The following CIMAP2 variants were observed in gnomAD, a reference collection of about 807,000 sequenced individuals.
CIMAP2 encodes ciliary microtubule associated protein 2.
chr1:54,841,757 C>T, the CIMAP2 span: 1 of 1,601,752 alleles, frequency 6.2e-7, no homozygotes, highest in South Asian at 1.1e-5. Flanking sequence ...TCACTCCCTT[C>T]CAAGGGATCA....
chr1:54,838,944 T>C, the CIMAP2 span, among the ~76,000 whole-genome samples: 4 of 149,646 alleles, frequency 2.7e-5, no homozygotes, highest in Admixed American at 2.0e-4. Context: ...TTGGGGGGAG[T>C]AGACTCTACC....
At chr1:54,811,779 AC>A in the CIMAP2 span, 47 of 290,946 alleles carry the variant, frequency 1.6e-4, no homozygotes, top group Non-Finnish European at 2.8e-4. Context: ...CCATGCCCCC[AC>A]CCCCGCCCCA....
the CIMAP2 span, chr1:54,814,943 A>C: frequency 1.9e-6 from 3 of 1,614,108 alleles, no homozygotes; most frequent in Non-Finnish European, 2.5e-6. Flanking sequence ...TCTGGCTTCC[A>C]CAAGAGAAGA....
At chr1:54,814,863 C>T in the CIMAP2 span, 1 of 1,611,156 alleles carries the variant, frequency 6.2e-7, no homozygotes, top group Non-Finnish European at 8.5e-7. Context: ...TGGGCCCAGG[C>T]TGACACTGCC....
At chr1:54,816,934 GAC>G in the CIMAP2 span, 2 of 1,606,182 alleles carry the variant, frequency 1.2e-6, no homozygotes, top group Non-Finnish European at 1.7e-6. Context: ...AGGAAGCCGA[GAC>G]ACAGTCTCCA....
At chr1:54,809,275 A>G in the CIMAP2 span, among the ~76,000 whole-genome samples, 1,620 of 152,292 alleles carry the variant, frequency 0.011, 30 homozygotes, top group African/African-American at 0.038. Context: ...CCCCAGAGCC[A>G]GGGTCTTTCT....
the CIMAP2 span, chr1:54,811,772 T>TTCCCCCCCCCCC: frequency 9.5e-5 from 43 of 454,844 alleles, no homozygotes; most frequent in Non-Finnish European, 1.3e-4. Context: ...ACAGCCTCCA[T>TTCCCCCCCCCCC]GCCCCCACCC....
the CIMAP2 span, among the ~76,000 whole-genome samples, chr1:54,809,411 G>A: frequency 6.6e-6 from 1 of 152,160 alleles, no homozygotes; most frequent in Non-Finnish European, 1.5e-5. Flanking sequence ...GGGGATACCT[G>A]GAGCATTTAA....
chr1:54,811,765 G>GCCGGGGGGGGGGGGGGGGCCCC, the CIMAP2 span: 1 of 1,301,326 alleles, frequency 7.7e-7, no homozygotes, highest in East Asian at 2.5e-5. Context: ...GGTTCTGACA[G>GCCGGGGGGGGGGGGGGGGCCCC]CCTCCATGCC....
chr1:54,811,937 C>G, the CIMAP2 span: 1 of 1,614,094 alleles, frequency 6.2e-7, no homozygotes, highest in Non-Finnish European at 8.5e-7. Context: ...ATCAGGTACC[C>G]CCTCGGCTGG....
chr1:54,806,338 G>T, the CIMAP2 span: 1 of 1,066,404 alleles, frequency 9.4e-7, no homozygotes, highest in Non-Finnish European at 1.3e-6. Flanking sequence ...GCTGAGCCTG[G>T]CGGGGAGGGG....
the CIMAP2 span, among the ~76,000 whole-genome samples, chr1:54,831,578 G>A: frequency 1.3e-5 from 2 of 151,942 alleles, no homozygotes; most frequent in African/African-American, 2.4e-5. Context: ...ACTTGAATCC[G>A]GGAGGCGGAG....
At chr1:54,834,855 G>A in the CIMAP2 span, among the ~76,000 whole-genome samples, 571 of 152,294 alleles carry the variant, frequency 3.7e-3, 24 homozygotes, top group East Asian at 0.084. Flanking sequence ...AGATTTTGGA[G>A]CATTTGGATT....
At chr1:54,833,214 T>C in the CIMAP2 span, among the ~76,000 whole-genome samples, 4 of 152,176 alleles carry the variant, frequency 2.6e-5, no homozygotes, top group African/African-American at 9.7e-5. Flanking sequence ...GTCTGCCCTG[T>C]CATCCTCATC....
chr1:54,827,070 G>A, the CIMAP2 span, among the ~76,000 whole-genome samples: 1 of 152,106 alleles, frequency 6.6e-6, no homozygotes, highest in Non-Finnish European at 1.5e-5. Flanking sequence ...AACACTTTTT[G>A]GGTGCAAAAG....
chr1:54,821,992 G>A, the CIMAP2 span, among the ~76,000 whole-genome samples: 3 of 94,570 alleles, frequency 3.2e-5, 1 homozygote, highest in South Asian at 6.3e-4. Flanking sequence ...TCCGCCTCCC[G>A]GGTTCACGCC....
the CIMAP2 span, among the ~76,000 whole-genome samples, chr1:54,824,516 TATA>T: frequency 6.6e-6 from 1 of 152,174 alleles, no homozygotes; most frequent in Non-Finnish European, 1.5e-5. Flanking sequence ...CTCTCAAAAT[TATA>T]ATATTTTATT....
At chr1:54,806,939 C>A in the CIMAP2 span, 1 of 1,519,486 alleles carries the variant, frequency 6.6e-7, no homozygotes, top group Non-Finnish European at 9.1e-7. Flanking sequence ...CAGAACTGCC[C>A]ACGCCAGGGC....
chr1:54,831,577 C>T, the CIMAP2 span, among the ~76,000 whole-genome samples: 3 of 151,926 alleles, frequency 2.0e-5, no homozygotes, highest in East Asian at 3.9e-4. Flanking sequence ...CACTTGAATC[C>T]GGGAGGCGGA....
Sources: gnomAD v4.1 joint callset for allele counts (sites outside exome capture counted in the v4.1 genomes callset) on GRCh38, gnomAD v4.1.1 for gene constraint, MANE v1.5 for transcripts, NCBI Gene and HGNC (gene_info 2026-07-23, HGNC 2026-07-21) for gene names.